The following BTK variants were observed in gnomAD, a reference collection of about 807,000 sequenced individuals.
The protein encoded by BTK is tyrosine-protein kinase BTK.
In BTK, 5 loss-of-function variants were observed where a neutral mutation model predicts 57.4. That is an observed-to-expected ratio of 0.09 (90% CI 0.05 to 0.18). BTK has a LOEUF of 0.18. Ranked by LOEUF, BTK falls within the 10% of genes least tolerant of loss-of-function variation. The pLI is 1.00. For missense variants in BTK, 194 were observed against 501.2 expected, an observed-to-expected ratio of 0.39 and a Z score of 5.85; for synonymous variants, 154 against 174.3, an observed-to-expected ratio of 0.88 and a Z score of 0.92.
intron 18 of BTK, among the ~76,000 whole-genome samples, chrX:101,351,393 A>G (rs782584526): frequency 1.6e-4 from 18 of 111,891 alleles, no homozygotes; most frequent in Non-Finnish European, 3.2e-4. Context: ...GTCTGAAATC[A>G]TTTTTAATTA....
chrX:101,363,833 C>T (rs782707404), intron 5 of BTK, among the ~76,000 whole-genome samples: 3 of 108,105 alleles, frequency 2.8e-5, no homozygotes, highest in Non-Finnish European at 3.8e-5. Flanking sequence ...TCCAGGAACA[C>T]GCACATTTGA....
At chrX:101,368,785 G>A (rs78172629) in intron 5 of BTK, among the ~76,000 whole-genome samples, 6 of 112,178 alleles carry the variant, frequency 5.3e-5, no homozygotes, top group African/African-American at 1.3e-4. Context: ...CTTCATCTTC[G>A]TTCCTCCTGT....
Position 101,356,242 on chromosome X carries a change from T to C in BTK, c.1376A>G (p.Gln459Arg). The change falls in exon 15 of 19, where the codon CAG (glutamine) becomes CGG (arginine). Residue 459 changes from glutamine to arginine, a missense_variant. Transcript: ENST00000308731. Reference protein sequence around the residue: ...MMNLSHEKLVQLYGVCTKQRP... With the variant: ...MMNLSHEKLVRLYGVCTKQRP... Reference sequence around the variant, plus strand: ...CTGCTTGGTGCAGACGCCATACAACTGCACCAGCTTCTCATGGGAAAGATT... The same window carrying C: ...CTGCTTGGTGCAGACGCCATACAACCGCACCAGCTTCTCATGGGAAAGATT... 8.3e-7 allele frequency: 1 copy of C among 1,211,383 alleles called. No homozygotes were observed. The highest frequency in any genetic ancestry group is 1.1e-6 in the Non-Finnish European group (1 of 895,297).
chrX:101,362,230 A>G lies in BTK; in HGVS notation c.531T>C (p.Pro177=), dbSNP rs148358153. 1,498 of 1,210,264 alleles carry G rather than the reference A, an allele frequency of 1.2e-3. 10 individuals carry two copies. The African/African-American group carries it at 0.023, about 18-fold the overall frequency. Residue 177 remains proline (P), a synonymous_variant, in exon 7 of 19, where the codon CCT becomes CCC. Coordinates refer to ENST00000308731, the MANE Select transcript of BTK (RefSeq NM_000061.3). ...ILENRNGSLK[P]GSSHRKTKKP... is the part of the protein sequence containing the mutation. ...TTTTTGTCTTCCGGTGAGAACTCCC[A>G]GGTTTTAAGCCTGCAAAACAAGAAG... is the stretch of plus-strand genomic sequence containing the variant.
At chrX:101,380,057 C>G (rs73561107) in intron 1 of BTK, among the ~76,000 whole-genome samples, 1,453 of 111,980 alleles carry the variant, frequency 0.013, 28 homozygotes, top group African/African-American at 0.045. Context: ...CCACCCTTCT[C>G]TGTCCCTAGG....
intron 12 of BTK, 83 bp downstream of exon 12, chrX:101,358,227 G>A (rs1447120418): frequency 8.6e-6 from 10 of 1,160,807 alleles, no homozygotes; most frequent in Non-Finnish European, 1.2e-5. Context: ...GTCCTGTGAG[G>A]CAGATTCTTC....
At chrX:101,388,458 G>A (rs1927686360), upstream of BTK, among the ~76,000 whole-genome samples, 1 of 112,024 alleles carries the variant, frequency 8.9e-6, no homozygotes, top group Non-Finnish European at 1.9e-5. Context: ...TCTATTCTTG[G>A]TGCTATCCTG....
At chrX:101,389,957 A>AT (rs1311645609), upstream of BTK, among the ~76,000 whole-genome samples, 3 of 111,320 alleles carry the variant, frequency 2.7e-5, no homozygotes, top group Admixed American at 9.6e-5. Flanking sequence ...GTGCGCCATA[A>AT]TTTTTTTAGC....
chrX:101,368,484 C>A (rs1364756927), intron 5 of BTK, among the ~76,000 whole-genome samples: 1 of 112,184 alleles, frequency 8.9e-6, no homozygotes, highest in East Asian at 2.8e-4. Context: ...AGAATCCAGG[C>A]TCCACCATTC....
chrX:101,367,398 G>A (rs1369883331), intron 5 of BTK, among the ~76,000 whole-genome samples: 11 of 109,239 alleles, frequency 1.0e-4, no homozygotes, highest in Admixed American at 9.9e-5. Flanking sequence ...CAGTTTGGGA[G>A]GCAGAGGCGG....
At chrX:101,360,171 C>A (rs1926616645) in intron 8 of BTK, 21 bp from the exon 9 acceptor site, 1 of 1,148,382 alleles carries the variant, frequency 8.7e-7, no homozygotes, top group Admixed American at 2.2e-5. Flanking sequence ...AACAATGTGG[C>A]AGTTCATCCA....
intron 1 of BTK, among the ~76,000 whole-genome samples, chrX:101,378,254 T>G (rs782083502): frequency 1.4e-4 from 15 of 110,729 alleles, no homozygotes; most frequent in African/African-American, 4.9e-4. Context: ...TGGCTAATTT[T>G]TGTATTTTTA....
intron 1 of BTK, among the ~76,000 whole-genome samples, chrX:101,377,204 C>T (rs1258302020): frequency 1.8e-5 from 2 of 111,383 alleles, no homozygotes; most frequent in East Asian, 2.8e-4. Flanking sequence ...CCCTTCCCAA[C>T]ACTCAGTTTT....
intron 4 of BTK, 132 bp downstream of exon 4, chrX:101,371,501 G>C: frequency 1.7e-6 from 1 of 581,753 alleles, no homozygotes; most frequent in Non-Finnish European, 3.1e-6. Context: ...CTCATTTCTT[G>C]GTTCAGCATC....
At chrX:101,381,007 GAAA>G (rs782713123) in intron 1 of BTK, among the ~76,000 whole-genome samples, 17 of 24,738 alleles carry the variant, frequency 6.9e-4, no homozygotes, top group Non-Finnish European at 4.0e-4. Context: ...ACTCGGTCGC[GAAA>G]AAAAAAAAAA....
chrX:101,380,911 C>T (rs1167044254), intron 1 of BTK, among the ~76,000 whole-genome samples: 4 of 99,940 alleles, frequency 4.0e-5, no homozygotes, highest in Non-Finnish European at 5.9e-5. Flanking sequence ...GAGGCTGAGG[C>T]GGGAGAATCC....
At chrX:101,358,193 T>G in intron 12 of BTK, 117 bp downstream of exon 12, 1 of 1,079,612 alleles carries the variant, frequency 9.3e-7, no homozygotes, top group Non-Finnish European at 1.3e-6. Context: ...TCACAGGGAT[T>G]TCCTTTCACA....
At chrX:101,374,759 A>G in intron 2 of BTK, 125 bp from the exon 3 acceptor site, 1 of 600,017 alleles carries the variant, frequency 1.7e-6, no homozygotes, top group Non-Finnish European at 2.7e-6. Context: ...ATGTGGGGGA[A>G]GAAAAAAAAA....
Position 101,353,209 on chromosome X carries a change from G to A in BTK, c.1893C>T (p.Tyr631=). The A allele has an allele frequency of 3.3e-6, 4 of 1,209,927 alleles. No homozygotes were observed. The highest frequency in any genetic ancestry group is 4.5e-6 in the Non-Finnish European group (4 of 894,417). Residue 631 remains tyrosine (Y), a synonymous_variant, in exon 18 of 19, where the codon TAC becomes TAT. Coordinates refer to ENST00000308731, the MANE Select transcript of BTK (RefSeq NM_000061.3). The part of the protein sequence containing the change: ...LASEKVYTIM[Y]SCWHEKADER... ...AAGCACTTACCTCATGCCAGCAACTGTACATGATGGTATATACCTTCTCTG... is the reference window on the plus strand; with the variant it reads ...AAGCACTTACCTCATGCCAGCAACTATACATGATGGTATATACCTTCTCTG...
Sources: gnomAD v4.1 joint callset for allele counts (sites outside exome capture counted in the v4.1 genomes callset) on GRCh38, gnomAD v4.1.1 for gene constraint, MANE v1.5 for transcripts, NCBI Gene and HGNC (gene_info 2026-07-23, HGNC 2026-07-21) for gene names.